Variants in CELF2 observed in about 807,000 individuals in gnomAD.
CELF2 encodes the protein CUGBP Elav-like family member 2, also known as CUG triplet repeat RNA-binding protein 2.
In CELF2, 8 loss-of-function variants were observed where a neutral mutation model predicts 62.6. The observed-to-expected ratio is 0.13, with a 90% CI of 0.07 to 0.23. The LOEUF (loss-of-function observed/expected upper bound fraction) is 0.23, where lower values mean the gene tolerates loss of function less well. CELF2 is among the 10% of genes least tolerant of loss of function. CELF2 has a pLI of 1.00. For missense variants in CELF2, 333 were observed against 671.0 expected, an observed-to-expected ratio of 0.50 and a Z score of 5.56; for synonymous variants, 258 against 250.0, an observed-to-expected ratio of 1.03 and a Z score of -0.30.
At chr10:10,933,572 A>G (rs2066319690) in intron 2 of CELF2, among the ~76,000 whole-genome samples, 1 of 152,094 alleles carries the variant, frequency 6.6e-6, no homozygotes. Flanking sequence ...ATACCCATTG[A>G]CCTTCTTTCC....
In CELF2 at chr10:11,191,579, C is replaced by G. The variant is rs2134508916; in HGVS notation, c.272-25846C>G. On this transcript the variant is annotated intron_variant, in intron 2 of 12. Transcript: ENST00000633077. This position sits in a 1 kb window ranked among gnomAD's most constrained non-coding sequence, Gnocchi z 4.1. ...CTTGAAATCTGAAGTCACTGAGTAG[C>G]AGGGGAGGTTGGAGCCTGGGGCACC... is the stretch of plus-strand genomic sequence containing the variant. 1.3e-5 allele frequency among the ~76,000 whole-genome samples: 2 copies of G among 152,238 alleles called. 1 individual carries two copies. The highest frequency in any genetic ancestry group is 3.9e-4 in the East Asian group (2 of 5,174).
At chr10:10,687,685 G>C in the CELF2 span, among the ~76,000 whole-genome samples, 1 of 152,082 alleles carries the variant, frequency 6.6e-6, no homozygotes, top group Non-Finnish European at 1.5e-5. Flanking sequence ...ATCATTATAA[G>C]CATGAAAAAG....
rs1280991757 is a variant in CELF2 at position 11,322,318 on chromosome 10, GCTT to G, written c.1294+935_1294+937del. 2.0e-5 allele frequency among the ~76,000 whole-genome samples: 3 copies of G among 152,328 alleles called. No homozygotes were observed. The East Asian group carries it at 5.8e-4, about 29-fold the overall frequency. On this transcript the variant is annotated intron_variant, in intron 11 of 12. Coordinates refer to ENST00000633077, the MANE Select transcript of CELF2 (RefSeq NM_001326342.2). ...AAGCAAGTAAGTGATCGATTGCCTT[GCTT>G]CTCTGCCAGTAAAGCAAAATAAACT...
At chr10:10,700,942 C>T in the CELF2 span, among the ~76,000 whole-genome samples, 7 of 152,210 alleles carry the variant, frequency 4.6e-5, no homozygotes, top group Admixed American at 2.6e-4. Context: ...GACTCTCCTA[C>T]GCCTCCACCT....
At chr10:10,506,344 C>T in the CELF2 span, among the ~76,000 whole-genome samples, 1 of 150,924 alleles carries the variant, frequency 6.6e-6, no homozygotes, top group Non-Finnish European at 1.5e-5. Flanking sequence ...ATAAATTATT[C>T]CAACTCATTC....
chr10:10,566,760 A>G, the CELF2 span, among the ~76,000 whole-genome samples: 2 of 152,096 alleles, frequency 1.3e-5, no homozygotes, highest in South Asian at 4.1e-4. Context: ...GCTGAATTCT[A>G]TGCTGAGTCC....
chr10:11,124,934 TGTTG>T (rs1382258509), intron 1 of CELF2, among the ~76,000 whole-genome samples: 2 of 152,124 alleles, frequency 1.3e-5, no homozygotes, highest in Non-Finnish European at 2.9e-5. Flanking sequence ...GGAGAAAAAA[TGTTG>T]GTTGAAGTTT....
At position 11,324,225 on chromosome 10, in the gene CELF2, G is replaced by T. The variant is rs2095607231; in HGVS notation, c.1295-1611G>T. 6.6e-6 allele frequency among the ~76,000 whole-genome samples: 1 copy of T among 152,186 alleles called. No homozygotes were observed. The highest frequency in any genetic ancestry group is 2.4e-5 in the African/African-American group (1 of 41,422). ...TGTATTTTCTCCCCGGCTTCAGGAG[G>T]TGAGATGTACTTCACAGTTCAAACT... On this transcript the variant is annotated intron_variant, in intron 11 of 12. Coordinates refer to ENST00000633077, the MANE Select transcript of CELF2 (RefSeq NM_001326342.2). This position sits in a 1 kb window ranked among gnomAD's most constrained non-coding sequence, Gnocchi z 4.7.
chr10:11,257,553 G>C, intron 4 of CELF2, 185 bp from the exon 5 acceptor site: 1 of 580,674 alleles, frequency 1.7e-6, no homozygotes, highest in Non-Finnish European at 3.1e-6. Context: ...GGAAGCACCA[G>C]GTGGGAGGGA....
At chr10:11,111,823 T>C (rs2055254396) in intron 1 of CELF2, among the ~76,000 whole-genome samples, 1 of 152,256 alleles carries the variant, frequency 6.6e-6, no homozygotes, top group South Asian at 2.1e-4. Flanking sequence ...CCTCAGACAG[T>C]AATACGTCTT....
chr10:10,847,704 G>C (rs977637642), intron 1 of CELF2, among the ~76,000 whole-genome samples: 2 of 152,206 alleles, frequency 1.3e-5, no homozygotes, highest in African/African-American at 4.8e-5. Context: ...TTTTAAAGCA[G>C]TGGCTCTCAG....
the CELF2 span, among the ~76,000 whole-genome samples, chr10:10,598,725 T>TTTTC: frequency 1.4e-5 from 2 of 147,890 alleles, no homozygotes; most frequent in East Asian, 3.9e-4. Context: ...CAAGGGCTGA[T>TTTTC]TTTCTTTTTC....
chr10:11,189,268 T>G (rs1403356095), intron 2 of CELF2, among the ~76,000 whole-genome samples: 1 of 152,168 alleles, frequency 6.6e-6, no homozygotes, highest in Non-Finnish European at 1.5e-5. Flanking sequence ...CCTCTGCAGA[T>G]CTCTTTGACT....
At chr10:11,195,620 G>T (rs1405548580) in intron 2 of CELF2, among the ~76,000 whole-genome samples, 1 of 152,226 alleles carries the variant, frequency 6.6e-6, no homozygotes. Flanking sequence ...AGATTATTTT[G>T]CCATAACCTA....
At chr10:10,534,223 A>AG in the CELF2 span, among the ~76,000 whole-genome samples, 1 of 151,406 alleles carries the variant, frequency 6.6e-6, no homozygotes, top group African/African-American at 2.4e-5. Flanking sequence ...TTAAAAAAAA[A>AG]AAAAAAGAAA....
intron 1 of CELF2, among the ~76,000 whole-genome samples, chr10:10,891,756 C>T (rs1478161893): frequency 2.0e-5 from 3 of 152,178 alleles, no homozygotes; most frequent in Non-Finnish European, 2.9e-5. Context: ...GGTCAGATCA[C>T]CTCTGGCTTC....
chr10:11,151,045 A>G (rs2063241903), intron 1 of CELF2, among the ~76,000 whole-genome samples: 1 of 149,020 alleles, frequency 6.7e-6, no homozygotes, highest in African/African-American at 2.5e-5. Flanking sequence ...TAGTTAAGGA[A>G]GAATGAGGCT....
chr10:11,102,706 C>G (rs988076547), intron 1 of CELF2, among the ~76,000 whole-genome samples: 1 of 152,148 alleles, frequency 6.6e-6, no homozygotes, highest in Non-Finnish European at 1.5e-5. Flanking sequence ...GATTGGAAAT[C>G]TCTTCCTAGG....
chr10:10,496,208 A>C, the CELF2 span, among the ~76,000 whole-genome samples: 26 of 152,130 alleles, frequency 1.7e-4, no homozygotes, highest in Non-Finnish European at 3.2e-4. Flanking sequence ...ACAATCCTGA[A>C]CTCTTATAAG....
Sources: allele counts gnomAD v4.1 joint callset (sites outside exome capture counted in the v4.1 genomes callset), GRCh38; gene constraint gnomAD v4.1.1; non-coding constraint Gnocchi (gnomAD v3.1); transcripts MANE v1.5; gene names NCBI Gene and HGNC (gene_info 2026-07-23, HGNC 2026-07-21).